The following PKHD1 variants were observed in gnomAD, a reference collection of about 807,000 sequenced individuals.
PKHD1 encodes the protein PKHD1 ciliary IPT domain containing fibrocystin/polyductin.
PKHD1 carries 291 observed loss-of-function variants against 412.0 expected under a neutral mutation model. That is an observed-to-expected ratio of 0.71 (90% CI 0.64 to 0.78). The LOEUF is 0.78. Among genes scored for constraint, PKHD1 ranks in the 30% least tolerant of loss-of-function variants. The pLI is 0.00. For missense variants in PKHD1, 4,825 were observed against 4,950.7 expected (o/e 0.97, Z 0.76); for synonymous variants, 1,777 against 1,821.5 (o/e 0.98, Z 0.62).
chr6:51,918,962 C>G (rs1784261598), intron 37 of PKHD1, among the ~76,000 whole-genome samples: 1 of 152,114 alleles, frequency 6.6e-6, no homozygotes, highest in South Asian at 2.1e-4. Flanking sequence ...TATCCTTCGC[C>G]CACTTTTTGA....
intron 35 of PKHD1, among the ~76,000 whole-genome samples, chr6:51,996,236 C>T (rs1797703556): frequency 6.9e-6 from 1 of 144,734 alleles, no homozygotes; most frequent in Admixed American, 7.2e-5. Context: ...GTCTCGATCT[C>T]CTGACCTCAT....
chr6:51,952,537 A>G (rs937227956), intron 36 of PKHD1, among the ~76,000 whole-genome samples: 1 of 152,132 alleles, frequency 6.6e-6, no homozygotes, highest in African/African-American at 2.4e-5. Flanking sequence ...AGCCTCCAAA[A>G]TGGTAGAGGG....
chr6:51,926,367 TC>T (rs1785626878), intron 37 of PKHD1, among the ~76,000 whole-genome samples: 1 of 152,180 alleles, frequency 6.6e-6, no homozygotes, highest in Non-Finnish European at 1.5e-5. Context: ...TCTTTTCGCC[TC>T]AAGTTTTTTA....
intron 60 of PKHD1, among the ~76,000 whole-genome samples, chr6:51,717,627 T>C (rs1781435453): frequency 6.6e-6 from 1 of 152,206 alleles, no homozygotes; most frequent in African/African-American, 2.4e-5. Context: ...TGGAGCAGGC[T>C]GCACCATCTA....
intron 63 of PKHD1, among the ~76,000 whole-genome samples, chr6:51,642,493 T>C (rs370366989): frequency 6.6e-6 from 1 of 151,968 alleles, no homozygotes; most frequent in Admixed American, 6.6e-5. Context: ...GCATAGAATA[T>C]GAGTAAGGTA....
rs149896396 is a variant in PKHD1 at position 51,886,513 on chromosome 6, G to A, written c.7110-541C>T. On this transcript the variant is annotated intron_variant, in intron 44 of 66. Transcript: ENST00000371117. The stretch of plus-strand genomic sequence containing the variant: ...TTTGTGACAATACAGATAAACCTGG[G>A]GGACACTGTGCTGGGTGAGGTAAGC... Among the ~76,000 whole-genome samples, 204 of 152,264 alleles carry A rather than the reference G, an allele frequency of 1.3e-3. 2 individuals are homozygous for A. Among genetic ancestry groups the A allele is most frequent in the African/African-American group, 4.7e-3 (194 of 41,536 alleles).
rs754613918 is a variant in PKHD1, at chr6:51,659,143, C to T, written c.10983G>A (p.Val3661=). The change falls in exon 61 of 67, where the codon GTG becomes GTA. Residue 3661 remains valine (V), a synonymous_variant. Coordinates refer to ENST00000371117, the MANE Select transcript of PKHD1 (RefSeq NM_138694.4). ...PPMTVETISK[V]IVIEIGDSPT... is the part of the protein sequence containing the mutation. ...GCGAATCACCAATTTCAATGACAATCACTTTTGAGATAGTTTCCACAGTCA... is the reference window on the plus strand; with the variant it reads ...GCGAATCACCAATTTCAATGACAATTACTTTTGAGATAGTTTCCACAGTCA... The T allele has an allele frequency of 1.7e-5, 28 of 1,613,668 alleles. No homozygotes were observed. The highest frequency in any genetic ancestry group is 1.5e-4 in the Admixed American group (9 of 59,916).
chr6:52,059,166 T>C (rs1741847089), intron 15 of PKHD1, among the ~76,000 whole-genome samples: 1 of 152,048 alleles, frequency 6.6e-6, no homozygotes, highest in African/African-American at 2.4e-5. Flanking sequence ...ACAAGTTTTG[T>C]AGTCAGGTAA....
chr6:51,895,814 C>T (rs954415056), intron 43 of PKHD1, among the ~76,000 whole-genome samples: 4 of 151,990 alleles, frequency 2.6e-5, no homozygotes, highest in Non-Finnish European at 5.9e-5. Flanking sequence ...GTGCGCCCAC[C>T]GTGCACAAGC....
chr6:52,060,340 C>T (rs1366334569), intron 14 of PKHD1, among the ~76,000 whole-genome samples: 1 of 152,168 alleles, frequency 6.6e-6, no homozygotes, highest in Non-Finnish European at 1.5e-5. Context: ...CCTAACACAG[C>T]TATTGCAAGC....
At chr6:51,880,853 C>G (rs1777190730) in intron 46 of PKHD1, among the ~76,000 whole-genome samples, 3 of 141,994 alleles carry the variant, frequency 2.1e-5, no homozygotes, top group South Asian at 4.7e-4. Context: ...GTGGTCCCAG[C>G]TACTCAGGAG....
intron 50 of PKHD1, among the ~76,000 whole-genome samples, chr6:51,839,143 A>G (rs921845690): frequency 6.6e-6 from 1 of 152,220 alleles, no homozygotes; most frequent in African/African-American, 2.4e-5. Flanking sequence ...TTGACTCTAC[A>G]AAGAACTGTA....
intron 60 of PKHD1, among the ~76,000 whole-genome samples, chr6:51,724,805 A>C (rs1178300009): frequency 2.0e-5 from 3 of 152,214 alleles, no homozygotes; most frequent in Non-Finnish European, 1.5e-5. Context: ...CCTTATAAGA[A>C]GGAGTCCTAG....
At chr6:51,646,463 G>A (rs1770100985) in intron 63 of PKHD1, among the ~76,000 whole-genome samples, 1 of 152,076 alleles carries the variant, frequency 6.6e-6, no homozygotes, top group African/African-American at 2.4e-5. Flanking sequence ...AGGGAGGCAG[G>A]TAAGAAGAAA....
At chr6:51,629,468 A>C (rs892240416) in intron 65 of PKHD1, among the ~76,000 whole-genome samples, 1 of 152,114 alleles carries the variant, frequency 6.6e-6, no homozygotes, top group Non-Finnish European at 1.5e-5. Context: ...AAAAATGCTC[A>C]TCATCACTAA....
chr6:51,937,818 A>G (rs1253787119), intron 36 of PKHD1, among the ~76,000 whole-genome samples: 4 of 152,112 alleles, frequency 2.6e-5, no homozygotes, highest in Non-Finnish European at 5.9e-5. Flanking sequence ...TCTGACACCT[A>G]TTCAACCCTT....
chr6:51,981,394 G>C (rs1474411431), intron 35 of PKHD1, among the ~76,000 whole-genome samples: 3 of 109,446 alleles, frequency 2.7e-5, no homozygotes, highest in African/African-American at 3.8e-5. Flanking sequence ...CTCTGATGCC[G>C]AGCCAAGGCT....
chr6:51,739,324 G>C (rs1248945737), intron 60 of PKHD1, among the ~76,000 whole-genome samples: 1 of 151,926 alleles, frequency 6.6e-6, no homozygotes, highest in South Asian at 2.1e-4. Flanking sequence ...CCCGCCTCCC[G>C]GGTTCAAGCG....
intron 50 of PKHD1, among the ~76,000 whole-genome samples, chr6:51,841,176 A>C (rs1189986366): frequency 6.6e-6 from 1 of 152,222 alleles, no homozygotes; most frequent in Non-Finnish European, 1.5e-5. Context: ...GGTTAGGTAT[A>C]TAAGCTCAGA....
Sources: gnomAD v4.1 joint callset for allele counts (sites outside exome capture counted in the v4.1 genomes callset) on GRCh38, gnomAD v4.1.1 for gene constraint, MANE v1.5 for transcripts, NCBI Gene and HGNC (gene_info 2026-07-23, HGNC 2026-07-21) for gene names.